Variants in FER1L6 observed in about 807,000 individuals in gnomAD.
The protein encoded by FER1L6 is fer-1-like protein 6.
A neutral mutation model predicts 219.2 loss-of-function variants in FER1L6; 177 were observed. The ratio of observed to expected loss-of-function variants is 0.81; its 90% CI spans 0.71 to 0.91. The LOEUF is 0.91. Ranked by LOEUF, FER1L6 falls within the 40% of genes least tolerant of loss-of-function variation. FER1L6 has a pLI of 0.00. For synonymous variants in FER1L6, 768 were observed against 824.3 expected (o/e 0.93, Z 1.17); for missense variants, 2,153 against 2,259.9 (o/e 0.95, Z 0.96).
chr8:123,893,917 G>A (rs986482227), intron 1 of FER1L6, among the ~76,000 whole-genome samples: 65 of 152,276 alleles, frequency 4.3e-4, no homozygotes, highest in African/African-American at 1.6e-3. Flanking sequence ...ATTAACCTTT[G>A]ATTCTTAGGT....
rs764810420 is a variant in FER1L6 at position 124,066,500 on chromosome 8, G to A, written c.3628G>A (p.Val1210Met). ...RTIADESAEN[V>M]IDWWSKYYAS... ...CATAGCAGATGAATCTGCTGAAAACGTGATTGACTGGTGGTCTAAGTATTA... is the reference window on the plus strand; with the variant it reads ...CATAGCAGATGAATCTGCTGAAAACATGATTGACTGGTGGTCTAAGTATTA... The change falls in exon 27 of 41, where the codon GTG becomes ATG. Residue 1210 changes from valine to methionine, a missense_variant. Val to Met is a conservative substitution (Grantham distance 21). Transcript: ENST00000522917. 10 of 1,613,978 alleles carry A rather than the reference G, an allele frequency of 6.2e-6. No individual in the cohort carries two copies. The highest frequency in any genetic ancestry group is 1.6e-4 in the Middle Eastern group (1 of 6,084).
intron 13 of FER1L6, among the ~76,000 whole-genome samples, chr8:124,009,140 T>C (rs79858886): frequency 0.037 from 5,560 of 152,304 alleles, 223 homozygotes; most frequent in East Asian, 0.11. Context: ...GACTTTCACA[T>C]ATGCCTGGCA....
chr8:123,944,697 A>G (rs1033887810), intron 1 of FER1L6, among the ~76,000 whole-genome samples: 2 of 152,148 alleles, frequency 1.3e-5, no homozygotes, highest in African/African-American at 4.8e-5. Context: ...TAGGTCACAC[A>G]CTATATGAGG....
chr8:124,110,431 T>C (rs1167109487), intron 39 of FER1L6, among the ~76,000 whole-genome samples: 1 of 152,180 alleles, frequency 6.6e-6, no homozygotes, highest in Non-Finnish European at 1.5e-5. Context: ...CATACTTCAT[T>C]TTCTGTCAAA....
At chr8:124,074,749 T>C (rs2130884660) in intron 31 of FER1L6, among the ~76,000 whole-genome samples, 1 of 152,222 alleles carries the variant, frequency 6.6e-6, no homozygotes, top group Admixed American at 6.5e-5. Flanking sequence ...TTCAGTGCTG[T>C]GCAAGTGTCA....
rs201086905 is a variant in FER1L6 at position 124,071,624 on chromosome 8, T to C, written c.4085T>C (p.Ile1362Thr). 972 of 1,612,452 alleles carry C rather than the reference T, an allele frequency of 6.0e-4. 1 individual carries two copies. The highest frequency in any genetic ancestry group is 1.8e-3 in the Middle Eastern group (11 of 6,078). The change falls in exon 31 of 41, where the codon ATT becomes ACT. Residue 1362 changes from isoleucine to threonine, a missense_variant. Physicochemically the swap from Ile to Thr is moderately conservative, Grantham distance 89. Transcript: ENST00000522917. ...HPVTVLIRVY[I>T]VAAFNLSPAD... ...GTCACAGTGCTGATCAGAGTATACATTGTCGCGGTGAGCCATTCTTGTTTG... is the reference window on the plus strand; with the variant it reads ...GTCACAGTGCTGATCAGAGTATACACTGTCGCGGTGAGCCATTCTTGTTTG...
At chr8:123,965,883 G>A in intron 3 of FER1L6, 124 bp from the exon 4 acceptor site, 1 of 883,018 alleles carries the variant, frequency 1.1e-6, no homozygotes, top group South Asian at 1.8e-5. Flanking sequence ...ATCTCCCCCA[G>A]AGATGTAGAC....
chr8:124,082,479 A>G (rs1821599875), intron 33 of FER1L6, 21 bp downstream of exon 33: 1 of 1,609,294 alleles, frequency 6.2e-7, no homozygotes, highest in Non-Finnish European at 8.5e-7. Context: ...TCTCCCCGGG[A>G]GACACTTGGT....
At chr8:123,911,926 C>T (rs962253417) in intron 1 of FER1L6, among the ~76,000 whole-genome samples, 12 of 152,116 alleles carry the variant, frequency 7.9e-5, no homozygotes, top group African/African-American at 2.2e-4. Flanking sequence ...CTGGCGTGTG[C>T]GCTGTGAAGT....
chr8:124,110,539 C>A, intron 39 of FER1L6, among the ~76,000 whole-genome samples: 1 of 152,096 alleles, frequency 6.6e-6, no homozygotes, highest in East Asian at 1.9e-4. Flanking sequence ...GGGGGAAATA[C>A]AATTTAAAAC....
intron 1 of FER1L6, among the ~76,000 whole-genome samples, chr8:123,926,614 G>C (rs1484941863): frequency 2.6e-5 from 4 of 152,044 alleles, no homozygotes; most frequent in Non-Finnish European, 5.9e-5. Flanking sequence ...GACTTTAGGG[G>C]GTAGAATATA....
At chr8:124,015,655 C>T (rs956917776) in intron 15 of FER1L6, among the ~76,000 whole-genome samples, 1 of 127,350 alleles carries the variant, frequency 7.9e-6, no homozygotes, top group Non-Finnish European at 1.6e-5. Flanking sequence ...CCTGCAATTC[C>T]CTTTAAGCAT....
At chr8:123,880,544 C>T (rs1817090838) in intron 1 of FER1L6, among the ~76,000 whole-genome samples, 1 of 152,174 alleles carries the variant, frequency 6.6e-6, no homozygotes, top group South Asian at 2.1e-4. Flanking sequence ...ACCCACTGGG[C>T]TTTGTGACAG....
intron 1 of FER1L6, among the ~76,000 whole-genome samples, chr8:123,869,391 G>T (rs1293692839): frequency 2.0e-5 from 3 of 152,096 alleles, no homozygotes; most frequent in African/African-American, 7.2e-5. Flanking sequence ...TTCTTCATCT[G>T]GAGATCCTTC....
In FER1L6 at chr8:123,876,477, C is replaced by T. The variant is rs142466115; in HGVS notation, c.-8+24292C>T. Among the ~76,000 whole-genome samples, 648 of 146,386 alleles carry T rather than the reference C, an allele frequency of 4.4e-3. 2 individuals are homozygous for T. The highest frequency in any genetic ancestry group is 6.6e-3 in the Non-Finnish European group (426 of 64,658). ...GGAACTACAGGCATGTGCCACCACA[C>T]TTGGCTACATTTTTTTTGTTTTTTG... On this transcript the variant is annotated intron_variant, in intron 1 of 40. Coordinates refer to ENST00000522917, the MANE Select transcript of FER1L6 (RefSeq NM_001039112.2).
At chr8:123,940,203 G>A (rs1295608138) in intron 1 of FER1L6, among the ~76,000 whole-genome samples, 1 of 152,184 alleles carries the variant, frequency 6.6e-6, no homozygotes, top group African/African-American at 2.4e-5. Context: ...ACACTGAAAT[G>A]CATTCCCTCT....
rs778869304 is a variant in FER1L6 at position 124,021,527 on chromosome 8, C to T, written c.2014-23C>T. ...TTGTCCAGATCTCTCGAAAGACCCACACTGACTCTTGTCTTGTTTTAGGAA... is the reference window on the plus strand; with the variant it reads ...TTGTCCAGATCTCTCGAAAGACCCATACTGACTCTTGTCTTGTTTTAGGAA... On this transcript the variant is annotated intron_variant, in intron 16 of 40. Transcript: ENST00000522917. 3 of 1,613,008 alleles carry T rather than the reference C, an allele frequency of 1.9e-6. No individual in the cohort carries two copies. In the African/African-American group the frequency reaches 4.0e-5, roughly 22 times the overall value.
At chr8:123,900,838 C>T (rs982123564) in intron 1 of FER1L6, among the ~76,000 whole-genome samples, 27 of 152,102 alleles carry the variant, frequency 1.8e-4, no homozygotes, top group African/African-American at 5.6e-4. Context: ...ATCTCTGCAT[C>T]CCTGGTATGA....
chr8:124,058,773 G>A (rs185305297), intron 22 of FER1L6: 1 of 152,282 alleles, frequency 6.6e-6, no homozygotes, highest in East Asian at 1.9e-4. Context: ...GATGCTCGCA[G>A]GCTAAATTGC....
Sources: allele counts gnomAD v4.1 joint callset (sites outside exome capture counted in the v4.1 genomes callset), GRCh38; gene constraint gnomAD v4.1.1; transcripts MANE v1.5; gene names NCBI Gene and HGNC (gene_info 2026-07-23, HGNC 2026-07-21).